The following UBXN2A variants were observed in gnomAD, a reference collection of about 807,000 sequenced individuals.
UBXN2A encodes UBX domain-containing protein 2A.
UBXN2A carries 28 observed loss-of-function variants against 28.4 expected under a neutral mutation model. The ratio of observed to expected loss-of-function variants is 0.99; its 90% CI spans 0.73 to 1.35. The LOEUF is 1.35. Among genes scored for constraint, UBXN2A ranks in the 40% most tolerant of loss-of-function variants. The pLI is 0.00. For synonymous variants in UBXN2A, 97 were observed against 103.6 expected, an observed-to-expected ratio of 0.94 and a Z score of 0.39; for missense variants, 253 against 297.9, an observed-to-expected ratio of 0.85 and a Z score of 1.11.
At chr2:23,966,515 T>C (rs12992933) in intron 2 of UBXN2A, among the ~76,000 whole-genome samples, 108,695 of 147,668 alleles carry the variant, frequency 0.74, 40,411 homozygotes, top group East Asian at 0.86. Context: ...TGCGGTGGCG[T>C]GATCTCAGCT....
Position 23,979,413 on chromosome 2 carries a change from G to C in UBXN2A, c.287+2338G>C, listed in dbSNP as rs142396734. 5.5e-3 allele frequency among the ~76,000 whole-genome samples: 836 copies of C among 151,470 alleles called. 7 individuals carry two copies. Among genetic ancestry groups the C allele is most frequent in the African/African-American group, 0.02 (807 of 41,360 alleles). Reference sequence around the variant, plus strand: ...TGAAGTAACTGCTGTTAACATTTTTGTTGAATTTCATTTTATCATTTTCTG... The same window carrying C: ...TGAAGTAACTGCTGTTAACATTTTTCTTGAATTTCATTTTATCATTTTCTG... On this transcript the variant is annotated intron_variant, in intron 4 of 6. Transcript: ENST00000309033.
chr2:23,929,963 A>G (rs2150780686), intron 1 of UBXN2A, among the ~76,000 whole-genome samples: 1 of 152,034 alleles, frequency 6.6e-6, no homozygotes. Flanking sequence ...ATCTGGGCTC[A>G]CTGCAACCTC....
At chr2:23,945,793 AT>A (rs1558837310) in intron 1 of UBXN2A, among the ~76,000 whole-genome samples, 1 of 151,420 alleles carries the variant, frequency 6.6e-6, no homozygotes, top group Non-Finnish European at 1.5e-5. Flanking sequence ...TTTTAATTTA[AT>A]TTTTAATTAT....
At chr2:23,934,258 T>C (rs887371223) in intron 1 of UBXN2A, among the ~76,000 whole-genome samples, 2 of 152,136 alleles carry the variant, frequency 1.3e-5, no homozygotes, top group East Asian at 3.8e-4. Flanking sequence ...CACTGTCCAA[T>C]GTGATTACTA....
intron 1 of UBXN2A, among the ~76,000 whole-genome samples, chr2:23,932,615 C>T (rs1705404345): frequency 6.6e-6 from 1 of 152,162 alleles, no homozygotes; most frequent in African/African-American, 2.4e-5. Context: ...AACAGGTTTA[C>T]AGCCTGAATT....
At chr2:23,989,583 G>A (rs868350100) in intron 6 of UBXN2A, among the ~76,000 whole-genome samples, 6 of 151,150 alleles carry the variant, frequency 4.0e-5, no homozygotes, top group African/African-American at 9.7e-5. Flanking sequence ...ATCAAAAACC[G>A]TGAATCCACG....
rs1306935405 is a variant in UBXN2A, at chr2:23,965,921, T to C, written c.42-5355T>C. On this transcript the variant is annotated intron_variant, in intron 2 of 6. Coordinates refer to ENST00000309033, the MANE Select transcript of UBXN2A (RefSeq NM_181713.4). ...AAGCCTATTCATATTATCTGTTCCT[T>C]CTTGTGTGTGTTTTGATAGAGGGTG... Among the ~76,000 whole-genome samples, 6 of 152,252 alleles carry C rather than the reference T, an allele frequency of 3.9e-5. No homozygotes were observed. The South Asian group carries it at 1.2e-3, about 32-fold the overall frequency.
At chr2:23,994,993 T>C (rs1356843619) in intron 6 of UBXN2A, among the ~76,000 whole-genome samples, 1 of 152,230 alleles carries the variant, frequency 6.6e-6, no homozygotes, top group Non-Finnish European at 1.5e-5. Context: ...GCTTAAACTC[T>C]AGAGTCTGTG....
At chr2:23,963,482 A>C (rs1324787239) in intron 2 of UBXN2A, among the ~76,000 whole-genome samples, 1 of 151,994 alleles carries the variant, frequency 6.6e-6, no homozygotes, top group Non-Finnish European at 1.5e-5. Flanking sequence ...AAAAAAAAAA[A>C]AAAAGAGAAA....
At chr2:23,955,794 T>TC (rs1706592635) in intron 1 of UBXN2A, among the ~76,000 whole-genome samples, 1 of 152,244 alleles carries the variant, frequency 6.6e-6, no homozygotes, top group Admixed American at 6.5e-5. Flanking sequence ...ACCACCATTG[T>TC]ATATGCAGTC....
At chr2:23,937,214 TA>T (rs1193149125), upstream of UBXN2A, among the ~76,000 whole-genome samples, 1 of 151,962 alleles carries the variant, frequency 6.6e-6, no homozygotes, top group African/African-American at 2.4e-5. Flanking sequence ...AGTTAGACAA[TA>T]AAAAGAAATA....
At chr2:23,986,224 G>T (rs1708123601) in intron 6 of UBXN2A, among the ~76,000 whole-genome samples, 1 of 152,036 alleles carries the variant, frequency 6.6e-6, no homozygotes, top group Non-Finnish European at 1.5e-5. Flanking sequence ...GCAGGAGAAT[G>T]GCGTGAACCC....
intron 6 of UBXN2A, among the ~76,000 whole-genome samples, chr2:23,998,042 C>G (rs1708608280): frequency 6.6e-6 from 1 of 150,400 alleles, no homozygotes; most frequent in African/African-American, 2.4e-5. Context: ...GAACTCCTGA[C>G]CTCAGGTGAT....
chr2:23,950,110 C>T (rs910944091), intron 1 of UBXN2A, among the ~76,000 whole-genome samples: 1 of 148,168 alleles, frequency 6.7e-6, no homozygotes, highest in Non-Finnish European at 1.5e-5. Flanking sequence ...TTATCCTCAG[C>T]GATGTCAGAT....
Position 23,997,528 on chromosome 2 carries a change from T to G in UBXN2A, c.585-2144T>G, listed in dbSNP as rs569165658. 3.5e-3 allele frequency among the ~76,000 whole-genome samples: 533 copies of G among 152,198 alleles called. 6 individuals carry two copies. Among genetic ancestry groups the G allele is most frequent in the African/African-American group, 0.012 (515 of 41,542 alleles). On this transcript the variant is annotated intron_variant, in intron 6 of 6. Coordinates refer to ENST00000309033, the MANE Select transcript of UBXN2A (RefSeq NM_181713.4). ...GTGCAGTGGCGCAATCTCGGCTCAC[T>G]GCAACCTCTGCCTCCCAGGTTCAAG...
Position 23,999,840 on chromosome 2 carries a change from A to G in UBXN2A, c.753A>G (p.Ala251=), listed in dbSNP as rs1039362292. 3 of 1,612,606 alleles carry G rather than the reference A, an allele frequency of 1.9e-6. No homozygotes were observed. Among genetic ancestry groups the G allele is most frequent in the Admixed American group, 1.7e-5 (1 of 59,426 alleles). ...AVIIQRLQKT[A]SFRELSEH is the part of the protein sequence containing the mutation. Reference sequence around the variant, plus strand: ...TCATTCAGAGACTCCAAAAAACTGCATCTTTTAGAGAACTTTCAGAGCACT... The same window carrying G: ...TCATTCAGAGACTCCAAAAAACTGCGTCTTTTAGAGAACTTTCAGAGCACT... The change falls in exon 7 of 7, where the codon GCA becomes GCG. Residue 251 remains alanine, a synonymous_variant. Coordinates refer to ENST00000309033, the MANE Select transcript of UBXN2A (RefSeq NM_181713.4).
intron 2 of UBXN2A, among the ~76,000 whole-genome samples, chr2:23,961,817 A>G (rs531060393): frequency 1.3e-5 from 2 of 150,514 alleles, no homozygotes; most frequent in East Asian, 3.9e-4. Flanking sequence ...TAGTGCTGGG[A>G]TTACAGGTGT....
intron 4 of UBXN2A, 30 bp from the exon 5 acceptor site, chr2:23,982,866 C>A (rs1475004812): frequency 1.9e-6 from 3 of 1,570,196 alleles, no homozygotes; most frequent in Non-Finnish European, 2.6e-6. Context: ...ACATTGGGAG[C>A]TTTATCATTT....
intron 1 of UBXN2A, among the ~76,000 whole-genome samples, chr2:23,946,190 G>A (rs766692370): frequency 6.6e-6 from 1 of 151,982 alleles, no homozygotes; most frequent in Non-Finnish European, 1.5e-5. Context: ...GTTTCACTTC[G>A]ACATCCAGGC....
Sources: allele counts gnomAD v4.1 joint callset (sites outside exome capture counted in the v4.1 genomes callset), GRCh38; gene constraint gnomAD v4.1.1; transcripts MANE v1.5; gene names NCBI Gene and HGNC (gene_info 2026-07-23, HGNC 2026-07-21).